Variants in SPHK1 observed in about 807,000 individuals in gnomAD.
SPHK1 encodes SK 1.
A neutral mutation model predicts 14.6 loss-of-function variants in SPHK1; 10 were observed. The ratio of observed to expected loss-of-function variants is 0.68; its 90% CI spans 0.42 to 1.16. The LOEUF (loss-of-function observed/expected upper bound fraction) is 1.16. SPHK1 is among the 50% of genes most tolerant of loss of function. The pLI is 0.00. For missense variants in SPHK1, 553 were observed against 525.4 expected, an observed-to-expected ratio of 1.05 and a Z score of -0.51; for synonymous variants, 274 against 224.0, an observed-to-expected ratio of 1.22 and a Z score of -1.99.
Position 76,385,162 on chromosome 17 carries a change from C to T in SPHK1, c.-194-289C>T, listed in dbSNP as rs779918507. On this transcript the variant is annotated intron_variant, in intron 1 of 5. Transcript: ENST00000592299. The surrounding 1 kb of genome is among the most constrained non-coding windows in gnomAD (Gnocchi z 5.3). Reference sequence around the variant, plus strand: ...GCTGGACTCCCCTCCCCCTGGCAGCCCCGAGGGGTGAGGAGCTAGTCCGTC... The same window carrying T: ...GCTGGACTCCCCTCCCCCTGGCAGCTCCGAGGGGTGAGGAGCTAGTCCGTC... 6.3e-7 allele frequency: 1 copy of T among 1,592,656 alleles called. No homozygotes were observed. Among genetic ancestry groups the T allele is most frequent in the Non-Finnish European group, 8.5e-7 (1 of 1,171,242 alleles).
rs763471362 is a variant in SPHK1, at chr17:76,386,226, C to G, written c.169C>G (p.Arg57Gly). 11 of 1,594,344 alleles carry G rather than the reference C, an allele frequency of 6.9e-6. No individual in the cohort carries two copies. In the African/African-American group the frequency reaches 1.2e-4, roughly 17 times the overall value. Reference protein sequence around the residue: ...ISFTLMLTERRNHARELVRSE... With the variant: ...ISFTLMLTERGNHARELVRSE... ...AGCTGCCGGTCTCCCTGCAGAGCGG[C>G]GGAACCACGCGCGGGAGCTGGTGCG... Residue 57 changes from arginine (R) to glycine (G), a missense_variant, in exon 4 of 6, where the codon CGG (arginine) becomes GGG (glycine). By Grantham distance (125) the Arg-to-Gly change is moderately radical. Transcript: ENST00000592299. This position sits in a 1 kb window ranked among gnomAD's most constrained non-coding sequence, Gnocchi z 5.3.
At position 76,387,571 on chromosome 17, in the gene SPHK1, A is replaced by G. The variant is rs907015528; in HGVS notation, c.1140A>G (p.Pro380=). ...GGAAGCCCCAGCAGATGCCACCGCC[A>G]GAAGAGCCCTTATGACCCCTGGGCC... ...PSWKPQQMPP[P]EEPL Residue 380 remains proline, a synonymous_variant, in exon 6 of 6, where the codon CCA becomes CCG. Transcript: ENST00000592299. The surrounding 1 kb of genome is among the most constrained non-coding windows in gnomAD (Gnocchi z 4.1). 2.5e-6 allele frequency: 4 copies of G among 1,596,204 alleles called. No individual in the cohort carries two copies. In the African/African-American group the frequency reaches 4.0e-5, roughly 16 times the overall value.
In SPHK1 at chr17:76,387,730, G is replaced by A. The variant is rs975992505; in HGVS notation, c.*144G>A. On this transcript the variant is annotated 3_prime_UTR_variant, in exon 6 of 6. Transcript: ENST00000592299. This position sits in a 1 kb window ranked among gnomAD's most constrained non-coding sequence, Gnocchi z 4.1. ...GAAGGTGGAGGCTATGCTTTGGGGG[G>A]ACAGGCCAGAATGAAGTCCTGGGTC... 7.0e-6 allele frequency: 7 copies of A among 997,558 alleles called. No individual in the cohort carries two copies. Among genetic ancestry groups the A allele is most frequent in the African/African-American group, 1.6e-5 (1 of 61,260 alleles). 61.8% of individuals were successfully genotyped at this position (997,558 alleles called of 1,614,324 possible). A position where few individuals can be genotyped will look rare whatever the true frequency, so the allele number is the denominator to read the frequency against.
Position 76,385,281 on chromosome 17 carries a change from A to T in SPHK1, c.-194-170A>T. 6.7e-7 allele frequency: 1 copy of T among 1,492,928 alleles called. No homozygotes were observed. The highest frequency in any genetic ancestry group is 8.9e-7 in the Non-Finnish European group (1 of 1,119,602). The allele number at this position is 1,492,928 out of a possible 1,614,324, so 92.5% of individuals were successfully genotyped here. Reference sequence around the variant, plus strand: ...CCCGGAGCAGGCGCCCTTCTCAGGGATTGTAGGCTTAGTCACACGGCGGGG... The same window carrying T: ...CCCGGAGCAGGCGCCCTTCTCAGGGTTTGTAGGCTTAGTCACACGGCGGGG... On this transcript the variant is annotated intron_variant, in intron 1 of 5. Coordinates refer to ENST00000592299, the MANE Select transcript of SPHK1 (RefSeq NM_001142601.2). This position sits in a 1 kb window ranked among gnomAD's most constrained non-coding sequence, Gnocchi z 5.3.
In SPHK1 at chr17:76,386,505, C is replaced by A. The variant is rs1281328586; in HGVS notation, c.371C>A (p.Ala124Asp). The change falls in exon 5 of 6, where the codon GCT (alanine) becomes GAT (aspartate). Residue 124 changes from alanine to aspartate, a missense_variant. Ala to Asp is a moderately radical substitution (Grantham distance 126). Transcript: ENST00000592299. This position sits in a 1 kb window ranked among gnomAD's most constrained non-coding sequence, Gnocchi z 5.3. Reference protein sequence around the residue: ...NALAASLNHYAGYEQVTNEDL... With the variant: ...NALAASLNHYDGYEQVTNEDL... Reference sequence around the variant, plus strand: ...CTGGCAGCTTCCTTGAACCATTATGCTGGGTGAGAGCCCAGGGCCAGAGTA... The same window carrying A: ...CTGGCAGCTTCCTTGAACCATTATGATGGGTGAGAGCCCAGGGCCAGAGTA... 6.2e-7 allele frequency: 1 copy of A among 1,611,360 alleles called. No individual in the cohort carries two copies. Among genetic ancestry groups the A allele is most frequent in the Non-Finnish European group, 8.5e-7 (1 of 1,179,316 alleles).
rs1249560262 is a variant in SPHK1, at chr17:76,386,130, G to T, written c.156G>T (p.Met52Ile). ...LAEAEISFTL[M>I]LTERRNHARE... ...AGGCTGAAATCTCCTTCACGCTGAT[G>T]CTCACTGGTGAGTACCTCTCGGAGG... The change falls in exon 3 of 6, where the codon ATG (methionine) becomes ATT (isoleucine). Residue 52 changes from methionine to isoleucine, a missense_variant. Transcript: ENST00000592299. The surrounding 1 kb of genome is among the most constrained non-coding windows in gnomAD (Gnocchi z 5.3). 3 of 1,593,726 alleles carry T rather than the reference G, an allele frequency of 1.9e-6. No homozygotes were observed. Among genetic ancestry groups the T allele is most frequent in the Non-Finnish European group, 2.6e-6 (3 of 1,169,012 alleles).
upstream of SPHK1, chr17:76,383,889 T>A: frequency 7.9e-7 from 1 of 1,262,220 alleles, no homozygotes; most frequent in Non-Finnish European, 1.0e-6. Flanking sequence ...CCCAGGCCCA[T>A]CTACACTGTC....
chr17:76,387,306 C>A lies in SPHK1; in HGVS notation c.875C>A (p.Ala292Glu), dbSNP rs773839692. ...AGVMHLFYVR[A>E]GVSRAMLLRL... Reference sequence around the variant, plus strand: ...GTCATGCATCTGTTCTACGTGCGGGCGGGAGTGTCTCGTGCCATGCTGCTG... The same window carrying A: ...GTCATGCATCTGTTCTACGTGCGGGAGGGAGTGTCTCGTGCCATGCTGCTG... Residue 292 changes from alanine to glutamate, a missense_variant, in exon 6 of 6, where the codon GCG (alanine) becomes GAG (glutamate). Physicochemically the swap from Ala to Glu is moderately radical, Grantham distance 107. Transcript: ENST00000592299. The surrounding 1 kb of genome is among the most constrained non-coding windows in gnomAD (Gnocchi z 4.1). The A allele has an allele frequency of 2.5e-6, 4 of 1,613,378 alleles. No homozygotes were observed. The highest frequency in any genetic ancestry group is 3.4e-6 in the Non-Finnish European group (4 of 1,179,960).
At chr17:76,384,992 C>A in intron 1 of SPHK1, 186 bp downstream of exon 1, 1 of 1,273,944 alleles carries the variant, frequency 7.8e-7, no homozygotes, top group Non-Finnish European at 1.1e-6. Flanking sequence ...CGCAACGGAG[C>A]GGGGCCCTGA....
In SPHK1 at chr17:76,386,595, G is replaced by A; in HGVS notation, c.374+87G>A. 7.4e-7 allele frequency: 1 copy of A among 1,342,700 alleles called. No individual in the cohort carries two copies. The highest frequency in any genetic ancestry group is 1.0e-6 in the Non-Finnish European group (1 of 981,886). 83.2% of individuals were successfully genotyped at this position (1,342,700 alleles called of 1,614,324 possible). ...TCTTGTCTAAGCTCCCATAGGCTGAGATCATTTCCATTTCCCCTTCTCCCT... is the reference window on the plus strand; with the variant it reads ...TCTTGTCTAAGCTCCCATAGGCTGAAATCATTTCCATTTCCCCTTCTCCCT... On this transcript the variant is annotated intron_variant, in intron 5 of 5. Coordinates refer to ENST00000592299, the MANE Select transcript of SPHK1 (RefSeq NM_001142601.2). The surrounding 1 kb of genome is among the most constrained non-coding windows in gnomAD (Gnocchi z 5.3).
At position 76,386,836 on chromosome 17, in the gene SPHK1, G is replaced by A. The variant is rs1325662254; in HGVS notation, c.405G>A (p.Leu135=). 24 of 1,572,472 alleles carry A rather than the reference G, an allele frequency of 1.5e-5. No homozygotes were observed. Among genetic ancestry groups the A allele is most frequent in the Non-Finnish European group, 2.1e-5 (24 of 1,156,870 alleles). ...GYEQVTNEDL[L]TNCTLLLCRR... Reference sequence around the variant, plus strand: ...AGCAGGTCACCAATGAAGACCTCCTGACCAACTGCACGCTATTGCTGTGCC... The same window carrying A: ...AGCAGGTCACCAATGAAGACCTCCTAACCAACTGCACGCTATTGCTGTGCC... Residue 135 remains leucine (L), a synonymous_variant, in exon 6 of 6, where the codon CTG becomes CTA. Coordinates refer to ENST00000592299, the MANE Select transcript of SPHK1 (RefSeq NM_001142601.2). This position sits in a 1 kb window ranked among gnomAD's most constrained non-coding sequence, Gnocchi z 5.3.
At chr17:76,383,929 C>T (rs1035064990), upstream of SPHK1, 5 of 1,175,138 alleles carry the variant, frequency 4.3e-6, no homozygotes, top group African/African-American at 1.7e-5. Context: ...GAGCCCCCGG[C>T]CTGTCGCCTG....
Position 76,387,392 on chromosome 17 carries a change from T to C in SPHK1, c.961T>C (p.Tyr321His). The change falls in exon 6 of 6, where the codon TAT (tyrosine) becomes CAT (histidine). Residue 321 changes from tyrosine (Y) to histidine (H), a missense_variant. By Grantham distance (83) the Tyr-to-His change is moderately conservative (BLOSUM62 2). Coordinates refer to ENST00000592299, the MANE Select transcript of SPHK1 (RefSeq NM_001142601.2). This position sits in a 1 kb window ranked among gnomAD's most constrained non-coding sequence, Gnocchi z 4.1. ...GGAGTATGAATGCCCCTACTTGGTATATGTGCCCGTGGTCGCCTTCCGCTT... is the reference window on the plus strand; with the variant it reads ...GGAGTATGAATGCCCCTACTTGGTACATGTGCCCGTGGTCGCCTTCCGCTT... ...HMEYECPYLV[Y>H]VPVVAFRLEP... 6.2e-7 allele frequency: 1 copy of C among 1,613,868 alleles called. No homozygotes were observed. Among genetic ancestry groups the C allele is most frequent in the Non-Finnish European group, 8.5e-7 (1 of 1,180,002 alleles).
In SPHK1 at chr17:76,387,214, G is replaced by C; in HGVS notation, c.783G>C (p.Leu261=). 6.2e-7 allele frequency: 1 copy of C among 1,613,046 alleles called. No individual in the cohort carries two copies. The highest frequency in any genetic ancestry group is 2.2e-5 in the East Asian group (1 of 44,852). Residue 261 remains leucine, a synonymous_variant, in exon 6 of 6, where the codon CTG becomes CTC. Transcript: ENST00000592299. The surrounding 1 kb of genome is among the most constrained non-coding windows in gnomAD (Gnocchi z 4.1). ...VVPDEDFVLV[L]ALLHSHLGSE... is the part of the protein sequence containing the mutation. ...CCGACGAGGACTTTGTGCTAGTCCTGGCACTGCTGCACTCGCACCTGGGCA... is the reference window on the plus strand; with the variant it reads ...CCGACGAGGACTTTGTGCTAGTCCTCGCACTGCTGCACTCGCACCTGGGCA...
Position 76,386,324 on chromosome 17 carries a change from C to T in SPHK1, c.258+9C>T. The T allele has an allele frequency of 6.2e-7, 1 of 1,605,472 alleles. No homozygotes were observed. Among genetic ancestry groups the T allele is most frequent in the Non-Finnish European group, 8.5e-7 (1 of 1,178,058 alleles). On this transcript the variant is annotated intron_variant, in intron 4 of 5. Coordinates refer to ENST00000592299, the MANE Select transcript of SPHK1 (RefSeq NM_001142601.2). This position sits in a 1 kb window ranked among gnomAD's most constrained non-coding sequence, Gnocchi z 5.3. ...ACGGGCTGATGCACGAGGTGAGGAC[C>T]GCACTGCGCGGCTAGGCCTGGGGCT...
Position 76,386,167 on chromosome 17 carries a change from G to C in SPHK1, c.163+30G>C. 6.3e-7 allele frequency: 1 copy of C among 1,587,768 alleles called. No individual in the cohort carries two copies. The highest frequency in any genetic ancestry group is 2.2e-5 in the East Asian group (1 of 44,466). ...GTACCTCTCGGAGGGGGTTTCGGGA[G>C]CATCCCCTGGCAGGGGACCCCCCCA... On this transcript the variant is annotated intron_variant, in intron 3 of 5. Transcript: ENST00000592299. The surrounding 1 kb of genome is among the most constrained non-coding windows in gnomAD (Gnocchi z 5.3).
chr17:76,385,835 C>G lies in SPHK1; in HGVS notation c.11-150C>G. ...GGGTGGCAGGGGCGCCGCGTCCCCA[C>G]CCCAGGTCTCCCAGCAAAGGCCGCT... On this transcript the variant is annotated intron_variant, in intron 2 of 5. Transcript: ENST00000592299. This position sits in a 1 kb window ranked among gnomAD's most constrained non-coding sequence, Gnocchi z 5.3. The G allele has an allele frequency of 6.8e-7, 1 of 1,462,304 alleles. No individual in the cohort carries two copies. Among genetic ancestry groups the G allele is most frequent in the Non-Finnish European group, 9.2e-7 (1 of 1,086,514 alleles). The allele number at this position is 1,462,304 out of a possible 1,614,324, so 90.6% of individuals were successfully genotyped here. A position where few individuals can be genotyped will look rare whatever the true frequency, so the allele number is the denominator to read the frequency against.
upstream of SPHK1, chr17:76,384,058 C>T (rs2071914923): frequency 9.4e-6 from 3 of 320,726 alleles, no homozygotes; most frequent in South Asian, 7.6e-5. Context: ...AGCTGGTGGG[C>T]GGCGGGCGAG....
In SPHK1 at chr17:76,385,989, C is replaced by G; in HGVS notation, c.15C>G (p.Gly5=). Residue 5 remains glycine (G), a synonymous_variant, in exon 3 of 6, where the codon GGC becomes GGG. Transcript: ENST00000592299. The surrounding 1 kb of genome is among the most constrained non-coding windows in gnomAD (Gnocchi z 5.3). ...TCTTTGGTTTTGTTTTCTCAGCGGG[C>G]GGCCCCCGGGGCGTGCTCCCGCGGC... MDPA[G]GPRGVLPRPC... 6.3e-7 allele frequency: 1 copy of G among 1,595,604 alleles called. No homozygotes were observed. Among genetic ancestry groups the G allele is most frequent in the South Asian group, 1.1e-5 (1 of 89,894 alleles).
Sources: gnomAD v4.1 joint callset for allele counts on GRCh38, gnomAD v4.1.1 for gene constraint, Gnocchi (gnomAD v3.1) non-coding constraint, MANE v1.5 for transcripts, NCBI Gene and HGNC (gene_info 2026-07-23, HGNC 2026-07-21) for gene names.